RABGAP1L: variants seen among roughly 807,000 people sequenced by gnomAD.
RABGAP1L encodes RAB GTPase activating protein 1 like, also known as rab GTPase-activating protein 1-like.
RABGAP1L carries 63 observed loss-of-function variants against 137.7 expected under a neutral mutation model. That is an observed-to-expected ratio of 0.46 (90% CI 0.37 to 0.56). RABGAP1L has a LOEUF of 0.56. RABGAP1L is among the 20% of genes least tolerant of loss of function. The pLI, the probability that RABGAP1L is intolerant of heterozygous loss-of-function variation, is 0.00. For missense variants in RABGAP1L, 1,095 were observed against 1,244.0 expected (o/e 0.88, Z 1.80); for synonymous variants, 431 against 433.7 (o/e 0.99, Z 0.08).
chr1:174,183,258 C>T (rs115620585), intron 1 of RABGAP1L, among the ~76,000 whole-genome samples: 152 of 152,278 alleles, frequency 1.0e-3, no homozygotes, highest in African/African-American at 3.5e-3. Context: ...AAAACAGATA[C>T]ATTATTCAAC....
At chr1:174,552,589 AC>A (rs2147990991) in intron 13 of RABGAP1L, among the ~76,000 whole-genome samples, 2 of 152,252 alleles carry the variant, frequency 1.3e-5, no homozygotes, top group South Asian at 4.2e-4. Context: ...GATCCTATAC[AC>A]CATGAAATAC....
At chr1:174,758,613 C>T (rs1684966675) in intron 18 of RABGAP1L, among the ~76,000 whole-genome samples, 1 of 152,108 alleles carries the variant, frequency 6.6e-6, no homozygotes. Context: ...CTACAAAAGA[C>T]ATTATTTCAT....
chr1:174,540,599 G>A (rs1665307907), intron 13 of RABGAP1L, among the ~76,000 whole-genome samples: 2 of 152,148 alleles, frequency 1.3e-5, no homozygotes, highest in African/African-American at 2.4e-5. Context: ...AGATCAGATG[G>A]TTGTAGATGT....
At chr1:174,987,810 ATTTTAT>A (rs1050893307) in intron 24 of RABGAP1L, among the ~76,000 whole-genome samples, 3 of 151,956 alleles carry the variant, frequency 2.0e-5, no homozygotes, top group Admixed American at 6.6e-5. Context: ...GAGTTATTTT[ATTTTAT>A]TTTTATTTTT....
intron 13 of RABGAP1L, among the ~76,000 whole-genome samples, chr1:174,419,689 T>C (rs1476891590): frequency 6.6e-6 from 1 of 152,214 alleles, no homozygotes. Context: ...AAATGAACTA[T>C]GAAAGTGAGC....
At chr1:174,651,003 T>C (rs1235371689) in intron 14 of RABGAP1L, among the ~76,000 whole-genome samples, 1 of 150,468 alleles carries the variant, frequency 6.6e-6, no homozygotes, top group East Asian at 1.9e-4. Flanking sequence ...CACACTGCTT[T>C]GAATGTGTCC....
At chr1:174,625,690 T>C (rs191045838) in intron 13 of RABGAP1L, among the ~76,000 whole-genome samples, 93 of 152,340 alleles carry the variant, frequency 6.1e-4, no homozygotes, top group Middle Eastern at 3.4e-3. Context: ...GAGGAAGTGG[T>C]AGAATGTTTT....
chr1:174,466,968 A>C (rs1478176708), intron 13 of RABGAP1L, among the ~76,000 whole-genome samples: 1 of 152,186 alleles, frequency 6.6e-6, no homozygotes, highest in African/African-American at 2.4e-5. Context: ...ATGATATATA[A>C]ATCATCCCTC....
At chr1:174,399,817 T>C (rs1016005545) in intron 13 of RABGAP1L, among the ~76,000 whole-genome samples, 2 of 152,082 alleles carry the variant, frequency 1.3e-5, no homozygotes, top group Admixed American at 1.3e-4. Context: ...GGGAACTCAT[T>C]ATCACGAGAA....
At chr1:174,934,849 A>G (rs1664487853) in intron 19 of RABGAP1L, 1 of 152,220 alleles carries the variant, frequency 6.6e-6, no homozygotes, top group Admixed American at 6.5e-5. Flanking sequence ...CACAAATTTT[A>G]CTTATATATA....
chr1:174,248,319 G>A (rs1015357307), intron 5 of RABGAP1L, among the ~76,000 whole-genome samples: 3 of 152,124 alleles, frequency 2.0e-5, no homozygotes, highest in Non-Finnish European at 2.9e-5. Flanking sequence ...GTATGCAGAA[G>A]GTGCTCAAAT....
chr1:174,906,882 A>G (rs1659180194), intron 19 of RABGAP1L, among the ~76,000 whole-genome samples: 1 of 139,990 alleles, frequency 7.1e-6, no homozygotes, highest in Admixed American at 7.0e-5. Context: ...ATGAAGTGAC[A>G]TTTTCAAAGT....
At chr1:174,868,363 T>A (rs574842948) in intron 19 of RABGAP1L, among the ~76,000 whole-genome samples, 2 of 152,228 alleles carry the variant, frequency 1.3e-5, no homozygotes, top group Non-Finnish European at 2.9e-5. Context: ...AATGAAATTA[T>A]GGCTCCTCCC....
intron 5 of RABGAP1L, among the ~76,000 whole-genome samples, chr1:174,248,049 A>G (rs774632212): frequency 2.6e-5 from 4 of 152,258 alleles, no homozygotes; most frequent in African/African-American, 7.2e-5. Context: ...AAAGTAGTTT[A>G]AAGTCTCTAT....
At chr1:174,451,405 G>A (rs1655428148) in intron 13 of RABGAP1L, among the ~76,000 whole-genome samples, 1 of 152,140 alleles carries the variant, frequency 6.6e-6, no homozygotes, top group Admixed American at 6.5e-5. Context: ...TTTCCCCATA[G>A]TAATTAATAA....
intron 13 of RABGAP1L, among the ~76,000 whole-genome samples, chr1:174,581,694 A>T (rs1017656191): frequency 1.3e-5 from 2 of 152,202 alleles, no homozygotes; most frequent in African/African-American, 4.8e-5. Context: ...ATTTTTTCGT[A>T]TGTGAATTTT....
At chr1:174,902,329 C>G (rs184414089) in intron 19 of RABGAP1L, among the ~76,000 whole-genome samples, 63 of 152,318 alleles carry the variant, frequency 4.1e-4, no homozygotes, top group South Asian at 4.1e-4. Context: ...GCCTCTCCCC[C>G]CCAGGAACTC....
chr1:174,791,052 G>A (rs1051861270), intron 18 of RABGAP1L, among the ~76,000 whole-genome samples: 1 of 152,012 alleles, frequency 6.6e-6, no homozygotes, highest in African/African-American at 2.4e-5. Context: ...TTAGCCTGGC[G>A]TGCTGGCACG....
chr1:174,186,762 A>T (rs1476583682), intron 1 of RABGAP1L, among the ~76,000 whole-genome samples: 1 of 152,254 alleles, frequency 6.6e-6, no homozygotes, highest in East Asian at 1.9e-4. Context: ...TCATAAAAAC[A>T]TAACATACAT....
Sources: allele counts gnomAD v4.1 joint callset (sites outside exome capture counted in the v4.1 genomes callset), GRCh38; gene constraint gnomAD v4.1.1; transcripts MANE v1.5; gene names NCBI Gene and HGNC (gene_info 2026-07-23, HGNC 2026-07-21).